The following PTPN7 variants were observed in gnomAD, a reference collection of about 807,000 sequenced individuals.
PTPN7 encodes the protein protein tyrosine phosphatase non-receptor type 7, also known as tyrosine-protein phosphatase non-receptor type 7.
A neutral mutation model predicts 50.3 loss-of-function variants in PTPN7; 33 were observed. That is an observed-to-expected ratio of 0.66 (90% confidence interval 0.50 to 0.88). PTPN7 has a LOEUF of 0.88. Ranked by LOEUF, PTPN7 falls within the 40% of genes least tolerant of loss-of-function variation. PTPN7 has a pLI of 0.00. For synonymous variants in PTPN7, 185 were observed against 186.6 expected, an observed-to-expected ratio of 0.99 and a Z score of 0.07; for missense variants, 412 against 475.4, an observed-to-expected ratio of 0.87 and a Z score of 1.24.
At chr1:202,153,593 T>C (rs910198262) in intron 7 of PTPN7, 132 bp downstream of exon 7, 6 of 700,926 alleles carry the variant, frequency 8.6e-6, no homozygotes, top group African/African-American at 7.1e-5. Flanking sequence ...AGTTTCTCTT[T>C]CTGCTATAGA....
intron 3 of PTPN7, 129 bp from the exon 4 acceptor site, chr1:202,157,952 G>C: frequency 8.1e-7 from 1 of 1,229,590 alleles, no homozygotes; most frequent in South Asian, 1.4e-5. Context: ...GATGGGGTGG[G>C]GGCAGAAGGG....
At position 202,148,680 on chromosome 1, in the gene PTPN7, C is replaced by T. The variant is rs1655587644; in HGVS notation, c.1009G>A (p.Ala337Thr). ...RLDRGGMIQT[A>T]EQYQFLHHTL... ...TGGTGCAGGAACTGGTACTGCTCTG[C>T]CGTCTGGATCATCCCCCCTCTGCAA... Residue 337 changes from alanine to threonine, a missense_variant, in exon 10 of 10, where the codon GCA (alanine) becomes ACA (threonine). By Grantham distance (58) the Ala-to-Thr change is moderately conservative (BLOSUM62 0). Transcript: ENST00000691036. 6.2e-7 allele frequency: 1 copy of T among 1,613,726 alleles called. No homozygotes were observed. The highest frequency in any genetic ancestry group is 8.5e-7 in the Non-Finnish European group (1 of 1,179,802).
At chr1:202,152,506 C>G in intron 8 of PTPN7, 36 bp downstream of exon 8, 1 of 1,601,940 alleles carries the variant, frequency 6.2e-7, no homozygotes, top group Non-Finnish European at 8.5e-7. Context: ...GAGGGGAGCA[C>G]AGTCCACAGG....
In PTPN7 at chr1:202,158,258, C is replaced by T; in HGVS notation, c.166G>A (p.Gly56Arg). 2 of 1,614,168 alleles carry T rather than the reference C, an allele frequency of 1.2e-6. No individual in the cohort carries two copies. Among genetic ancestry groups the T allele is most frequent in the East Asian group, 2.2e-5 (1 of 44,880 alleles). Residue 56 changes from glycine to arginine, a missense_variant, in exon 3 of 10, where the codon GGG (glycine) becomes AGG (arginine). Coordinates refer to ENST00000691036, the MANE Select transcript of PTPN7 (RefSeq NM_002832.4). ...VALMLDVRSL[G>R]AVEPICSVNT... ...ACAGAGCAGATGGGTTCTACGGCCC[C>T]CAGGGACCGAACGTCCAGCATCAGA...
rs774060505 is a variant in PTPN7 at position 202,158,239 on chromosome 1, C to A, written c.185G>T (p.Cys62Phe). Residue 62 changes from cysteine to phenylalanine, a missense_variant, in exon 3 of 10, where the codon TGC (cysteine) becomes TTC (phenylalanine). Transcript: ENST00000691036. ...VRSLGAVEPI[C>F]SVNTPREVTL... ...GACCTCCCGGGGTGTGTTCACAGAG[C>A]AGATGGGTTCTACGGCCCCCAGGGA... 1 of 1,614,158 alleles carries A rather than the reference C, an allele frequency of 6.2e-7. No individual in the cohort carries two copies. Among genetic ancestry groups the A allele is most frequent in the South Asian group, 1.1e-5 (1 of 91,086 alleles).
At position 202,157,804 on chromosome 1, in the gene PTPN7, A is replaced by C; in HGVS notation, c.326T>G (p.Val109Gly). 1 of 1,614,164 alleles carries C rather than the reference A, an allele frequency of 6.2e-7. No homozygotes were observed. Among genetic ancestry groups the C allele is most frequent in the Non-Finnish European group, 8.5e-7 (1 of 1,179,996 alleles). The part of the protein sequence containing the change: ...EEFLKIPSNF[V>G]SPEDLDIPGH... ...AGGGATGTCCAGGTCTTCGGGGCTGACAAAGTTTGAAGGGATCTTCTGGCA... is the reference window on the plus strand; with the variant it reads ...AGGGATGTCCAGGTCTTCGGGGCTGCCAAAGTTTGAAGGGATCTTCTGGCA... Residue 109 changes from valine (V) to glycine (G), a missense_variant, in exon 4 of 10, where the codon GTC becomes GGC. Physicochemically the swap from Val to Gly is moderately radical, Grantham distance 109 (BLOSUM62 -3). Coordinates refer to ENST00000691036, the MANE Select transcript of PTPN7 (RefSeq NM_002832.4).
intron 4 of PTPN7, among the ~76,000 whole-genome samples, chr1:202,156,020 C>T (rs1356358930): frequency 6.6e-6 from 1 of 152,176 alleles, no homozygotes; most frequent in Non-Finnish European, 1.5e-5. Flanking sequence ...GCAATTCTCC[C>T]ACCTCAACCT....
At chr1:202,150,504 G>GAA in intron 8 of PTPN7, 80 bp from the exon 9 acceptor site, 1 of 1,106,634 alleles carries the variant, frequency 9.0e-7, no homozygotes, top group South Asian at 1.3e-5. Context: ...TATGGAGAAA[G>GAA]AAATGGGACC....
chr1:202,154,132 G>A (rs900243316), intron 6 of PTPN7, 54 bp downstream of exon 6: 4 of 1,608,530 alleles, frequency 2.5e-6, no homozygotes, highest in African/African-American at 2.7e-5. Context: ...GGGTGGGGGT[G>A]GGGTGGGCAT....
rs140680650 is a variant in PTPN7, at chr1:202,150,387, G to C, written c.913C>G (p.Arg305Gly). Reference protein sequence around the residue: ...IGRTGCFIATRIGCQQLKARG... With the variant: ...IGRTGCFIATGIGCQQLKARG... ...GCTTTCAGCTGTTGACAGCCAATTC[G>C]CGTGGCGATGAAGCAGCCCGTCCGG... The change falls in exon 9 of 10, where the codon CGA (arginine) becomes GGA (glycine). Residue 305 changes from arginine to glycine, a missense_variant. By Grantham distance (125) the Arg-to-Gly change is moderately radical. Coordinates refer to ENST00000691036, the MANE Select transcript of PTPN7 (RefSeq NM_002832.4). The C allele has an allele frequency of 1.2e-6, 2 of 1,612,194 alleles. No individual in the cohort carries two copies. The highest frequency in any genetic ancestry group is 4.5e-5 in the East Asian group (2 of 44,840).
chr1:202,152,473 C>T (rs1656120616), intron 8 of PTPN7, 69 bp downstream of exon 8: 12 of 1,549,424 alleles, frequency 7.7e-6, no homozygotes, highest in Non-Finnish European at 1.0e-5. Context: ...GACCCTTCCC[C>T]AGGAGAGACC....
At chr1:202,161,381 A>G (rs1332374128), upstream of PTPN7, 1 of 1,259,040 alleles carries the variant, frequency 7.9e-7, no homozygotes, top group Non-Finnish European at 1.0e-6. Flanking sequence ...TACTTAGAAG[A>G]CTTACAGACA....
In PTPN7 at chr1:202,150,424, A is replaced by C. The variant is rs1385326065; in HGVS notation, c.876T>G (p.Ser292Arg). 2.5e-6 allele frequency: 4 copies of C among 1,605,210 alleles called. No individual in the cohort carries two copies. The Admixed American group carries it at 6.7e-5, about 27-fold the overall frequency. Reference protein sequence around the residue: ...AHPGPIVVHCSAGIGRTGCFI... With the variant: ...AHPGPIVVHCRAGIGRTGCFI... Reference sequence around the variant, plus strand: ...AGCAGCCCGTCCGGCCAATCCCTGCACTGGAGATAGCCAGGGAGGGGACAG... The same window carrying C: ...AGCAGCCCGTCCGGCCAATCCCTGCCCTGGAGATAGCCAGGGAGGGGACAG... The change falls in exon 9 of 10, where the codon AGT (serine) becomes AGG (arginine). Residue 292 changes from serine to arginine, a missense_variant and splice_region_variant. Physicochemically the swap from Ser to Arg is moderately radical, Grantham distance 110 (BLOSUM62 -1). Transcript: ENST00000691036.
chr1:202,148,847 CTTTTTTTTTTT>C lies in PTPN7; in HGVS notation c.990-159_990-149del, dbSNP rs10652170. On this transcript the variant is annotated intron_variant, in intron 9 of 9. Transcript: ENST00000691036. The stretch of plus-strand genomic sequence containing the variant: ...TCCTTTGCCTATATTCATCTTTTCA[CTTTTTTTTTTT>C]TTTTTTTTTTTTTGTGAGACAGAGT... 2.8e-4 allele frequency: 38 copies of C among 137,542 alleles called. 2 individuals are homozygous for C. The highest frequency in any genetic ancestry group is 4.0e-4 in the Non-Finnish European group (32 of 80,452). The allele number at this position is 137,542 out of a possible 1,614,324, so 8.5% of individuals were successfully genotyped here. A position where few individuals can be genotyped will look rare whatever the true frequency, so the allele number is the denominator to read the frequency against.
rs1209363625 is a variant in PTPN7 at position 202,159,339 on chromosome 1, TG to T, written c.63del (p.Met22Ter). 11 of 1,614,188 alleles carry T rather than the reference TG, an allele frequency of 6.8e-6. No homozygotes were observed. Among genetic ancestry groups the T allele is most frequent in the Non-Finnish European group, 9.3e-6 (11 of 1,180,022 alleles). ...GTTTTTTCAGGCGGAGGCTGGGTCA[TG>T]GCTGCCCCCAAAGACAAGGTCAACG... ...AQPLTLSLGA[A>X]MTQPPPEKTP... On this transcript the variant is annotated frameshift_variant, in exon 2 of 10. Coordinates refer to ENST00000691036, the MANE Select transcript of PTPN7 (RefSeq NM_002832.4). LOFTEE classifies it high-confidence loss of function. This position sits in a 1 kb window ranked among gnomAD's most constrained non-coding sequence, Gnocchi z 4.6.
chr1:202,157,510 TAA>T (rs113043271), intron 4 of PTPN7, among the ~76,000 whole-genome samples: 2,826 of 142,420 alleles, frequency 0.02, 91 homozygotes, highest in African/African-American at 0.067. Flanking sequence ...AACTCCGTCT[TAA>T]AAAAAAAAAA....
intron 4 of PTPN7, 23 bp from the exon 5 acceptor site, chr1:202,155,632 G>A: frequency 1.3e-6 from 2 of 1,526,406 alleles, no homozygotes; most frequent in Non-Finnish European, 1.8e-6. Context: ...AATCAGCAGA[G>A]GTCAGAGGTC....
upstream of PTPN7, chr1:202,160,690 T>A (rs1482302193): frequency 1.3e-6 from 2 of 1,550,422 alleles, no homozygotes; most frequent in South Asian, 2.4e-5. The surrounding 1 kb of genome is among the most constrained non-coding windows in gnomAD (Gnocchi z 4.8). Flanking sequence ...AGCTGCATTC[T>A]GCCCTCCTGT....
At chr1:202,154,913 C>A (rs761568226) in intron 5 of PTPN7, among the ~76,000 whole-genome samples, 1 of 152,160 alleles carries the variant, frequency 6.6e-6, no homozygotes, top group Non-Finnish European at 1.5e-5. Context: ...CGGTATTGGC[C>A]GGCAAATGTA....
Sources: allele counts gnomAD v4.1 joint callset (sites outside exome capture counted in the v4.1 genomes callset), GRCh38; gene constraint gnomAD v4.1.1; non-coding constraint Gnocchi (gnomAD v3.1); transcripts MANE v1.5; gene names NCBI Gene and HGNC (gene_info 2026-07-23, HGNC 2026-07-21).